The following RANBP2 variants were observed in gnomAD, a reference collection of about 807,000 sequenced individuals.
RANBP2 encodes the protein E3 SUMO-protein ligase RanBP2.
In RANBP2, 57 loss-of-function variants were observed where a neutral mutation model predicts 303.6. The observed-to-expected ratio is 0.19, with a 90% CI of 0.15 to 0.23. The LOEUF is 0.23. Among genes scored for constraint, RANBP2 ranks in the 10% least tolerant of loss-of-function variants. The pLI is 1.00. For missense variants in RANBP2, 3,138 were observed against 3,780.8 expected (o/e 0.83, Z 4.46); for synonymous variants, 1,167 against 1,301.5 (o/e 0.90, Z 2.23).
At chr2:109,565,806 G>T in the RANBP2 span, 1 of 1,614,020 alleles carries the variant, frequency 6.2e-7, no homozygotes, top group Non-Finnish European at 8.5e-7. Flanking sequence ...TGACCATCTT[G>T]TTTCCGACTT....
the RANBP2 span, among the ~76,000 whole-genome samples, chr2:109,273,983 G>A: frequency 6.6e-6 from 1 of 152,158 alleles, no homozygotes; most frequent in Admixed American, 6.5e-5. Context: ...AATTATGCTG[G>A]CAAGGATAAT....
chr2:108,904,778 A>G, the RANBP2 span, among the ~76,000 whole-genome samples: 2 of 152,152 alleles, frequency 1.3e-5, no homozygotes, highest in African/African-American at 2.4e-5. Flanking sequence ...ATAGGAATGG[A>G]GAACAGATTA....
At position 108,775,894 on chromosome 2, in the gene RANBP2, T is replaced by A; in HGVS notation, c.8455T>A (p.Leu2819Met). 1 of 1,612,628 alleles carries A rather than the reference T, an allele frequency of 6.2e-7. No homozygotes were observed. The highest frequency in any genetic ancestry group is 8.5e-7 in the Non-Finnish European group (1 of 1,179,882). Residue 2819 changes from leucine (L) to methionine (M), a missense_variant, in exon 24 of 29, where the codon TTG becomes ATG. Leu to Met is a conservative substitution (Grantham distance 15). Around this residue, in one of 20 missense-constraint regions of RANBP2, gnomAD observed 497 missense variants for 465.8 expected, o/e 1.07. Coordinates refer to ENST00000283195, the MANE Select transcript of RANBP2 (RefSeq NM_006267.5). ...SSETMDKPVD[L>M]STRKEIDTDS... ...TGAAACTATGGACAAACCTGTAGAT[T>A]TGTCAACTAGAAAGGAAATTGATAC...
the RANBP2 span, chr2:109,616,099 A>G: frequency 3.4e-6 from 5 of 1,465,594 alleles, no homozygotes; most frequent in South Asian, 6.1e-5. Context: ...GCAAAGGTTT[A>G]TTTGTCTTAA....
At chr2:109,256,948 T>TAGC in the RANBP2 span, among the ~76,000 whole-genome samples, 2 of 152,208 alleles carry the variant, frequency 1.3e-5, no homozygotes, top group African/African-American at 4.8e-5. Context: ...TGTGGAGGAC[T>TAGC]AGCAGCTCTT....
At chr2:108,735,426 A>G (rs1448877415) in intron 4 of RANBP2, 106 bp from the exon 5 acceptor site, 3 of 1,592,354 alleles carry the variant, frequency 1.9e-6, no homozygotes, top group Non-Finnish European at 1.7e-6. Flanking sequence ...TTTTGGTGGC[A>G]TCATCATAAA....
the RANBP2 span, among the ~76,000 whole-genome samples, chr2:108,950,085 G>A: frequency 6.6e-6 from 1 of 152,202 alleles, no homozygotes; most frequent in Non-Finnish European, 1.5e-5. Context: ...GACCCCAGGA[G>A]GGGCCTGCTG....
the RANBP2 span, among the ~76,000 whole-genome samples, chr2:108,915,520 T>C: frequency 6.6e-6 from 1 of 152,176 alleles, no homozygotes; most frequent in Admixed American, 6.5e-5. Context: ...AATGGAGGCT[T>C]TTTTCCTCGT....
At chr2:109,062,981 G>T in the RANBP2 span, among the ~76,000 whole-genome samples, 3 of 152,148 alleles carry the variant, frequency 2.0e-5, no homozygotes, top group Non-Finnish European at 4.4e-5. Context: ...TGCCAGAAGA[G>T]CCAGGGCCTA....
At chr2:109,270,781 G>T in the RANBP2 span, among the ~76,000 whole-genome samples, 1 of 152,226 alleles carries the variant, frequency 6.6e-6, no homozygotes, top group East Asian at 1.9e-4. Context: ...TGTTGGGCCA[G>T]GCATACCTGC....
At chr2:109,229,530 C>T in the RANBP2 span, among the ~76,000 whole-genome samples, 113 of 152,104 alleles carry the variant, frequency 7.4e-4, no homozygotes, top group Admixed American at 2.7e-3. Context: ...CTTGAGAGCC[C>T]GATACGGGAG....
the RANBP2 span, among the ~76,000 whole-genome samples, chr2:109,350,879 G>A: frequency 2.0e-5 from 3 of 152,152 alleles, no homozygotes; most frequent in African/African-American, 7.2e-5. Flanking sequence ...AGGAAAGAAG[G>A]GTCTCTGAAA....
chr2:109,020,294 C>A, the RANBP2 span, among the ~76,000 whole-genome samples: 2 of 152,146 alleles, frequency 1.3e-5, no homozygotes, highest in African/African-American at 4.8e-5. Flanking sequence ...AAAGGGAGCT[C>A]AAAGACAAGC....
the RANBP2 span, chr2:109,546,173 T>C: frequency 6.2e-7 from 1 of 1,609,578 alleles, no homozygotes; most frequent in Non-Finnish European, 8.5e-7. Flanking sequence ...AAGTCTTCTC[T>C]TTTCTTCAAG....
At chr2:109,110,106 T>C in the RANBP2 span, among the ~76,000 whole-genome samples, 647 of 152,302 alleles carry the variant, frequency 4.2e-3, 2 homozygotes, top group African/African-American at 0.015. Context: ...CGCTGGAATA[T>C]AGAGCAGGGA....
the RANBP2 span, among the ~76,000 whole-genome samples, chr2:108,869,179 A>G: frequency 6.9e-4 from 105 of 152,282 alleles, 1 homozygote; most frequent in African/African-American, 2.5e-3. Context: ...CAGACAGACT[A>G]AAATAACTTT....
the RANBP2 span, among the ~76,000 whole-genome samples, chr2:108,946,543 A>G: frequency 6.6e-6 from 1 of 152,228 alleles, no homozygotes; most frequent in South Asian, 2.1e-4. Flanking sequence ...ACACTGCTAT[A>G]AAGACTGGGT....
the RANBP2 span, among the ~76,000 whole-genome samples, chr2:109,367,843 G>A: frequency 6.6e-6 from 1 of 152,264 alleles, no homozygotes; most frequent in Non-Finnish European, 1.5e-5. Context: ...CTCAGAGGGT[G>A]CACAGGCTTC....
At chr2:108,834,048 T>A in the RANBP2 span, among the ~76,000 whole-genome samples, 1 of 150,600 alleles carries the variant, frequency 6.6e-6, no homozygotes, top group African/African-American at 2.5e-5. Context: ...GCCCAGCCAA[T>A]GTGGAGTAAA....
Sources: gnomAD v4.1 joint callset for allele counts (sites outside exome capture counted in the v4.1 genomes callset) on GRCh38, gnomAD v4.1.1 for gene constraint, gnomAD v4.1.1 regional missense constraint, MANE v1.5 for transcripts, NCBI Gene and HGNC (gene_info 2026-07-23, HGNC 2026-07-21) for gene names.